The following TFEC variants were observed in gnomAD, a reference collection of about 807,000 sequenced individuals.
TFEC encodes class E basic helix-loop-helix protein 34.
Under a neutral mutation model 41.6 loss-of-function variants are expected in TFEC, and 31 were observed. The observed-to-expected ratio is 0.74, with a 90% confidence interval of 0.56 to 1.01. TFEC has a LOEUF of 1.01. TFEC is among the 50% of genes least tolerant of loss of function. The probability of loss-of-function intolerance (pLI) is 0.00; values close to 1 mark genes in which losing one functional copy is unlikely to be tolerated. For synonymous variants in TFEC, 143 were observed against 140.6 expected, an observed-to-expected ratio of 1.02 and a Z score of -0.12; for missense variants, 402 against 404.1, an observed-to-expected ratio of 0.99 and a Z score of 0.04.
At chr7:116,125,891 G>T (rs761603585) in intron 1 of TFEC, among the ~76,000 whole-genome samples, 2 of 152,102 alleles carry the variant, frequency 1.3e-5, no homozygotes, top group Non-Finnish European at 2.9e-5. Flanking sequence ...GTTGTGATTT[G>T]CAAACCATCA....
intron 3 of TFEC, among the ~76,000 whole-genome samples, chr7:116,064,102 T>C (rs1249731401): frequency 6.6e-6 from 1 of 152,054 alleles, no homozygotes; most frequent in Non-Finnish European, 1.5e-5. Flanking sequence ...AGAGAGATGC[T>C]GGCCAAAGGA....
chr7:116,127,724 G>A (rs936595123), intron 1 of TFEC, among the ~76,000 whole-genome samples: 1 of 151,232 alleles, frequency 6.6e-6, no homozygotes, highest in African/African-American at 2.4e-5. Flanking sequence ...AGAATATTGG[G>A]AATAAAAAGG....
chr7:116,021,739 C>T (rs1795403090), intron 1 of TFEC, among the ~76,000 whole-genome samples: 1 of 152,166 alleles, frequency 6.6e-6, no homozygotes, highest in Non-Finnish European at 1.5e-5. Context: ...CAAAATCTGT[C>T]AAAATGGTTT....
At chr7:116,059,444 T>C (rs751052840) in intron 3 of TFEC, among the ~76,000 whole-genome samples, 37 of 152,058 alleles carry the variant, frequency 2.4e-4, no homozygotes, top group Non-Finnish European at 3.7e-4. Flanking sequence ...ACCAATTCCG[T>C]ACTCCTCCAG....
chr7:115,994,327 A>C (rs1284113287), intron 1 of TFEC, among the ~76,000 whole-genome samples: 1 of 152,062 alleles, frequency 6.6e-6, no homozygotes. Flanking sequence ...CACCAAAAGC[A>C]ATGGCAACAA....
chr7:115,937,401 A>G lies in TFEC; in HGVS notation c.*3150T>C, dbSNP rs1227465919. 6.6e-6 allele frequency: 1 copy of G among 151,726 alleles called. No homozygotes were observed. Among genetic ancestry groups the G allele is most frequent in the African/African-American group, 2.4e-5 (1 of 41,408 alleles). 9.4% of individuals were successfully genotyped at this position (151,726 alleles called of 1,614,324 possible). On this transcript the variant is annotated 3_prime_UTR_variant, in exon 8 of 8. Coordinates refer to ENST00000265440, the MANE Select transcript of TFEC (RefSeq NM_012252.4). ...CTCATTTCTGCAAGAAATATTCTAGAGAGTCAAATTTTTCTAGAAGTCTAT... is the reference window on the plus strand; with the variant it reads ...CTCATTTCTGCAAGAAATATTCTAGGGAGTCAAATTTTTCTAGAAGTCTAT...
chr7:116,159,690 T>C (rs1798937058), intron 1 of TFEC: 1 of 152,172 alleles, frequency 6.6e-6, no homozygotes, highest in African/African-American at 2.4e-5. Context: ...CTTAAACATT[T>C]AAACTAAGTT....
At chr7:116,039,712 G>A (rs1288748502) in intron 3 of TFEC, among the ~76,000 whole-genome samples, 1 of 151,884 alleles carries the variant, frequency 6.6e-6, no homozygotes, top group Non-Finnish European at 1.5e-5. Flanking sequence ...AAAGAAATGA[G>A]TTAAAATATT....
At chr7:116,127,378 CAGCCTGGGCTTTGGTTTT>C (rs776770099) in intron 1 of TFEC, among the ~76,000 whole-genome samples, 16 of 152,112 alleles carry the variant, frequency 1.1e-4, no homozygotes, top group Admixed American at 3.3e-4. Context: ...CCACCGCGCC[CAGCCTGGGCTTTGGTTTT>C]TTATCCGATG....
rs928302463 is a variant in TFEC at position 115,960,101 on chromosome 7, C to T, written c.268-3308G>A. 2.0e-5 allele frequency among the ~76,000 whole-genome samples: 3 copies of T among 150,342 alleles called. No homozygotes were observed. In the Admixed American group the frequency reaches 2.0e-4, roughly 10 times the overall value. ...AAGACCTGCATTCAGATATATTATA[C>T]TAAAATGAAATAATATACAATAATA... On this transcript the variant is annotated intron_variant, in intron 3 of 7. Coordinates refer to ENST00000265440, the MANE Select transcript of TFEC (RefSeq NM_012252.4).
chr7:115,955,416 C>A (rs1329800833), intron 4 of TFEC, among the ~76,000 whole-genome samples: 1 of 152,016 alleles, frequency 6.6e-6, no homozygotes, highest in Non-Finnish European at 1.5e-5. Flanking sequence ...TGAGGACACT[C>A]AAGCAACCCT....
intron 6 of TFEC, among the ~76,000 whole-genome samples, chr7:115,947,700 T>C (rs1360045336): frequency 1.3e-5 from 2 of 150,546 alleles, no homozygotes; most frequent in East Asian, 4.0e-4. Flanking sequence ...ATGTGTTTTT[T>C]GGCTGCATAA....
At chr7:116,107,605 C>T (rs1275589820) in intron 3 of TFEC, among the ~76,000 whole-genome samples, 1 of 152,138 alleles carries the variant, frequency 6.6e-6, no homozygotes, top group Admixed American at 6.5e-5. Context: ...CTCTAGTCAT[C>T]CCTGATATCA....
At chr7:116,117,587 G>T (rs901492252) in intron 1 of TFEC, 1 of 151,706 alleles carries the variant, frequency 6.6e-6, no homozygotes, top group African/African-American at 2.4e-5. Context: ...AAACAGGGAC[G>T]TGGAGTTCTC....
At chr7:116,000,424 T>C (rs1423755219) in intron 1 of TFEC, among the ~76,000 whole-genome samples, 1 of 152,104 alleles carries the variant, frequency 6.6e-6, no homozygotes, top group Non-Finnish European at 1.5e-5. Context: ...TTCAACATGG[T>C]ACTGGAAGTC....
upstream of TFEC, among the ~76,000 whole-genome samples, chr7:116,032,546 C>A (rs1795811142): frequency 6.6e-6 from 1 of 152,054 alleles, no homozygotes; most frequent in Non-Finnish European, 1.5e-5. Flanking sequence ...ATGGATGGAG[C>A]TGGAGGCCAT....
intron 1 of TFEC, among the ~76,000 whole-genome samples, chr7:116,119,806 T>G (rs1388864873): frequency 6.6e-6 from 1 of 151,768 alleles, no homozygotes; most frequent in Admixed American, 6.6e-5. Flanking sequence ...ACAATAAAAT[T>G]TATCATAGTC....
intron 6 of TFEC, among the ~76,000 whole-genome samples, chr7:115,943,462 A>G (rs1793613165): frequency 6.6e-6 from 1 of 152,040 alleles, no homozygotes; most frequent in Admixed American, 6.6e-5. Context: ...TTTGAAGTTT[A>G]AAGTACTATT....
chr7:116,093,670 CT>C (rs764951088), intron 3 of TFEC, among the ~76,000 whole-genome samples: 2 of 152,046 alleles, frequency 1.3e-5, no homozygotes, highest in African/African-American at 2.4e-5. Context: ...TAATCTCTAA[CT>C]TTTTTATAGA....
Sources: gnomAD v4.1 joint callset for allele counts (sites outside exome capture counted in the v4.1 genomes callset) on GRCh38, gnomAD v4.1.1 for gene constraint, MANE v1.5 for transcripts, NCBI Gene and HGNC (gene_info 2026-07-23, HGNC 2026-07-21) for gene names.